DCDC2B: variants seen among roughly 807,000 people sequenced by gnomAD.
DCDC2B encodes the protein doublecortin domain containing 2B.
DCDC2B carries 41 observed loss-of-function variants against 38.9 expected under a neutral mutation model. The ratio of observed to expected loss-of-function variants is 1.05; its 90% CI spans 0.82 to 1.37. DCDC2B has a LOEUF of 1.37. DCDC2B is among the 40% of genes most tolerant of loss of function. The pLI, the probability that DCDC2B is intolerant of heterozygous loss-of-function variation, is 0.00. For missense variants in DCDC2B, 453 were observed against 427.2 expected (o/e 1.06, Z -0.53); for synonymous variants, 181 against 171.9 (o/e 1.05, Z -0.41).
chr1:32,211,324 G>A lies in DCDC2B; in HGVS notation c.318+1G>A. 1.9e-6 allele frequency: 3 copies of A among 1,613,854 alleles called. No individual in the cohort carries two copies. Among genetic ancestry groups the A allele is most frequent in the Non-Finnish European group, 2.5e-6 (3 of 1,179,850 alleles). On this transcript the variant is annotated splice_donor_variant, in intron 2 of 8. Transcript: ENST00000409358. LOFTEE classifies it high-confidence loss of function. ...AGGTGGGAAGAGCTGCAGACTACAA[G>A]TGAGTCCCGGGGAACCTGTGCCCCA...
chr1:32,215,440 G>T lies in DCDC2B; in HGVS notation c.851G>T (p.Gly284Val). 6.2e-7 allele frequency: 1 copy of T among 1,610,024 alleles called. No individual in the cohort carries two copies. Among genetic ancestry groups the T allele is most frequent in the Non-Finnish European group, 8.5e-7 (1 of 1,178,462 alleles). The change falls in exon 8 of 9, where the codon GGA becomes GTA. Residue 284 changes from glycine (G) to valine (V), a missense_variant and splice_region_variant. Gly to Val is a moderately radical substitution (Grantham distance 109). Coordinates refer to ENST00000409358, the MANE Select transcript of DCDC2B (RefSeq NM_001099434.2). ...ACCCAGTGCTGCCTCCCCTCTTTAG[G>T]AGTTATAGGAGTATATGGAGCTCCC... Reference protein sequence around the residue: ...SKLPTLSFPSGVIGVYGAPHR... With the variant: ...SKLPTLSFPSVVIGVYGAPHR...
intron 6 of DCDC2B, chr1:32,214,377 C>T (rs1234310736): frequency 6.2e-6 from 1 of 160,342 alleles, no homozygotes; most frequent in Non-Finnish European, 1.4e-5. Context: ...TATTGAGTGG[C>T]AGGGGCCAGA....
At chr1:32,212,451 A>C (rs1643626245) in intron 4 of DCDC2B, 39 bp from the exon 5 acceptor site, 1 of 1,606,732 alleles carries the variant, frequency 6.2e-7, no homozygotes. Flanking sequence ...AGAAGCATCG[A>C]GTCTACCAGC....
chr1:32,212,690 T>G, intron 5 of DCDC2B, 54 bp downstream of exon 5: 3 of 1,613,078 alleles, frequency 1.9e-6, no homozygotes, highest in Non-Finnish European at 2.5e-6. Context: ...AGCCACCCTC[T>G]GGGTCTGTGT....
chr1:32,212,352 C>T, intron 4 of DCDC2B, 138 bp from the exon 5 acceptor site: 2 of 1,516,170 alleles, frequency 1.3e-6, no homozygotes, highest in South Asian at 1.3e-5. Context: ...CTCTGCCCAG[C>T]CCTCAGAGGC....
chr1:32,215,267 G>A (rs1638281945), intron 7 of DCDC2B, 173 bp from the exon 8 acceptor site: 4 of 629,568 alleles, frequency 6.4e-6, no homozygotes, highest in Non-Finnish European at 1.1e-5. Context: ...GGGATATAGA[G>A]GGGATGGGGG....
intron 3 of DCDC2B, 109 bp from the exon 4 acceptor site, chr1:32,211,961 A>C: frequency 6.5e-7 from 1 of 1,535,928 alleles, no homozygotes; most frequent in African/African-American, 1.4e-5. Context: ...AGCATGCTTG[A>C]TGGGTGAAGA....
rs889263708 is a variant in DCDC2B, at chr1:32,212,079, G to C, written c.405G>C (p.Arg135Ser). 3 of 1,613,044 alleles carry C rather than the reference G, an allele frequency of 1.9e-6. No individual in the cohort carries two copies. In the African/African-American group the frequency reaches 4.0e-5, roughly 22 times the overall value. The change falls in exon 4 of 9, where the codon AGG becomes AGC. Residue 135 changes from arginine (R) to serine (S), a missense_variant. Coordinates refer to ENST00000409358, the MANE Select transcript of DCDC2B (RefSeq NM_001099434.2). ...AGGCTTTTTGTCTCAGTGTGTTCAG[G>C]AATGGGGACCTGGTAAGTCCCCCAT... ...AGAPSYIHVF[R>S]NGDLVSPPFS...
rs1638258626 is a variant in DCDC2B, at chr1:32,214,981, G to A, written c.850+49G>A. ...CCCTTCTCAGCTGCCCTTTGACAGT[G>A]ACATAGGTTGGTCCCTGCTGTTGTT... On this transcript the variant is annotated intron_variant, in intron 7 of 8. Coordinates refer to ENST00000409358, the MANE Select transcript of DCDC2B (RefSeq NM_001099434.2). 4.3e-6 allele frequency: 7 copies of A among 1,609,684 alleles called. No homozygotes were observed. The East Asian group carries it at 1.6e-4, about 36-fold the overall frequency.
At chr1:32,211,091 GCA>G (rs1643565587) in intron 1 of DCDC2B, among the ~76,000 whole-genome samples, 179 bp from the exon 2 acceptor site, 1 of 152,202 alleles carries the variant, frequency 6.6e-6, no homozygotes. Flanking sequence ...CAGCACTTGA[GCA>G]CTCAAGGGGT....
intron 1 of DCDC2B, 96 bp downstream of exon 1, chr1:32,209,455 G>A (rs1643491013): frequency 6.6e-7 from 1 of 1,523,350 alleles, no homozygotes; most frequent in East Asian, 2.3e-5. Context: ...CATGTTACTG[G>A]TACTTACTGA....
rs11590013 is a variant in DCDC2B, at chr1:32,215,469, C to T, written c.880C>T (p.Arg294Ter). 9.3e-6 allele frequency: 15 copies of T among 1,613,264 alleles called. No individual in the cohort carries two copies. Among genetic ancestry groups the T allele is most frequent in the Middle Eastern group, 1.7e-4 (1 of 5,768 alleles). Residue 294 changes from arginine (R) to a stop codon, truncating the protein, a stop_gained, in exon 8 of 9, where the codon CGA (arginine) becomes TGA (stop). Coordinates refer to ENST00000409358, the MANE Select transcript of DCDC2B (RefSeq NM_001099434.2). LOFTEE classifies it high-confidence loss of function. Reference sequence around the variant, plus strand: ...TATAGGAGTATATGGAGCTCCCCACCGAAGGAAGGAGACAGCGGGGGCCCT... The same window carrying T: ...TATAGGAGTATATGGAGCTCCCCACTGAAGGAAGGAGACAGCGGGGGCCCT... Reference protein sequence around the residue: ...GVIGVYGAPHRRKETAGALEV... With the variant: ...GVIGVYGAPH
chr1:32,213,219 G>A (rs1435995353), intron 6 of DCDC2B, among the ~76,000 whole-genome samples: 2 of 150,016 alleles, frequency 1.3e-5, no homozygotes, highest in Non-Finnish European at 3.0e-5. Context: ...TAAATATAGA[G>A]ATGAGTCTCA....
intron 6 of DCDC2B, among the ~76,000 whole-genome samples, chr1:32,214,280 C>G (rs1424708785): frequency 6.9e-6 from 1 of 145,198 alleles, no homozygotes; most frequent in African/African-American, 2.6e-5. Flanking sequence ...CCACTGCACT[C>G]CAGCCTGGGT....
chr1:32,215,971 T>A lies in DCDC2B; in HGVS notation c.*74T>A, dbSNP rs997949201. On this transcript the variant is annotated 3_prime_UTR_variant, in exon 9 of 9. Transcript: ENST00000409358. ...TTTGTCCTTAGCCTCCAGCAGCTTG[T>A]TCCTCAGGAGCCAGCACCTCCGCTG... is the stretch of plus-strand genomic sequence containing the variant. The A allele has an allele frequency of 5.5e-6, 7 of 1,273,924 alleles. No homozygotes were observed. The East Asian group carries it at 1.8e-4, about 32-fold the overall frequency. 78.9% of individuals were successfully genotyped at this position (1,273,924 alleles called of 1,614,324 possible).
At chr1:32,211,957 C>A in intron 3 of DCDC2B, 113 bp from the exon 4 acceptor site, 1 of 1,536,410 alleles carries the variant, frequency 6.5e-7, no homozygotes. Flanking sequence ...GTCCAGCATG[C>A]TTGATGGGTG....
In DCDC2B at chr1:32,209,236, A is replaced by C; in HGVS notation, c.143A>C (p.Gln48Pro). ...CTCTGCGAGGTGACATCAGCTGTGC[A>C]GGCCCCACTGGCTGTGCGTGCCCTC... ...AFLCEVTSAV[Q>P]APLAVRALYT... is the part of the protein sequence containing the mutation. Residue 48 changes from glutamine to proline, a missense_variant, in exon 1 of 9, where the codon CAG becomes CCG. Physicochemically the swap from Gln to Pro is moderately conservative, Grantham distance 76. Transcript: ENST00000409358. The C allele has an allele frequency of 1.2e-6, 2 of 1,614,006 alleles. No individual in the cohort carries two copies. The highest frequency in any genetic ancestry group is 1.7e-6 in the Non-Finnish European group (2 of 1,179,886).
rs1359983014 is a variant in DCDC2B at position 32,212,568 on chromosome 1, G to A, written c.606G>A (p.Glu202=). ...GCCATTACTATGTGGCTGTCGGAGA[G>A]GATGAGTTCAAGGACCTTCCCTATC... The part of the protein sequence containing the change: ...VTGHYYVAVG[E]DEFKDLPYLE... Residue 202 remains glutamate (E), a synonymous_variant, in exon 5 of 9, where the codon GAG becomes GAA. Transcript: ENST00000409358. 2 of 1,614,048 alleles carry A rather than the reference G, an allele frequency of 1.2e-6. No individual in the cohort carries two copies. Among genetic ancestry groups the A allele is most frequent in the African/African-American group, 2.7e-5 (2 of 75,052 alleles).
chr1:32,211,964 G>C (rs972120177), intron 3 of DCDC2B, 106 bp from the exon 4 acceptor site: 5 of 1,537,496 alleles, frequency 3.3e-6, no homozygotes, highest in African/African-American at 2.7e-5. Context: ...ATGCTTGATG[G>C]GTGAAGAGAG....
Sources: gnomAD v4.1 joint callset for allele counts (sites outside exome capture counted in the v4.1 genomes callset) on GRCh38, gnomAD v4.1.1 for gene constraint, MANE v1.5 for transcripts, NCBI Gene and HGNC (gene_info 2026-07-23, HGNC 2026-07-21) for gene names.